The following CTSH variants were observed in gnomAD, a reference collection of about 807,000 sequenced individuals.
CTSH encodes cathepsin H.
Under a neutral mutation model 56.3 loss-of-function variants are expected in CTSH, and 52 were observed. The observed-to-expected ratio is 0.92, with a 90% CI of 0.74 to 1.16. The LOEUF (loss-of-function observed/expected upper bound fraction) is 1.16, where lower values mean the gene tolerates loss of function less well. CTSH is among the 50% of genes most tolerant of loss of function. CTSH has a pLI of 0.00. For missense variants in CTSH, 406 were observed against 424.5 expected (o/e 0.96, Z 0.38); for synonymous variants, 174 against 155.7 (o/e 1.12, Z -0.88).
chr15:78,932,085 T>G, intron 6 of CTSH: 1 of 1,263,320 alleles, frequency 7.9e-7, no homozygotes. Flanking sequence ...CCAGGCAGGC[T>G]CCGCCTTTCT....
rs553673539 is a variant in CTSH at position 78,943,250 on chromosome 15, CCTGT to C, written c.91+1637_91+1640del. Among the ~76,000 whole-genome samples the C allele has an allele frequency of 3.6e-3, 531 of 149,010 alleles. 1 individual carries two copies. The highest frequency in any genetic ancestry group is 5.6e-3 in the Non-Finnish European group (375 of 67,204). On this transcript the variant is annotated intron_variant, in intron 1 of 11. Transcript: ENST00000220166. ...AGGTTTCAGGAAAGTACAGTATTCCCCTGTTTGTTTGTTTGTTTGTTTTAGATGG... is the reference window on the plus strand; with the variant it reads ...AGGTTTCAGGAAAGTACAGTATTCCCTTGTTTGTTTGTTTGTTTTAGATGG...
intron 7 of CTSH, 42 bp from the exon 8 acceptor site, chr15:78,929,535 TG>T: frequency 6.8e-7 from 1 of 1,462,864 alleles, no homozygotes; most frequent in Non-Finnish European, 9.4e-7. Context: ...GGGGCTGTCC[TG>T]ATAGAGGCGG....
rs562562676 is a variant in CTSH at position 78,931,447 on chromosome 15, G to A, written c.548+4C>T. Reference sequence around the variant, plus strand: ...TTTTGGGCCCCTTCTGGTCAGAGACGTACCCTTGGCAGCCGTGATTATTGA... The same window carrying A: ...TTTTGGGCCCCTTCTGGTCAGAGACATACCCTTGGCAGCCGTGATTATTGA... On this transcript the variant is annotated splice_donor_region_variant and intron_variant, in intron 7 of 11. Transcript: ENST00000220166. 4.3e-5 allele frequency: 70 copies of A among 1,614,054 alleles called. No homozygotes were observed. The highest frequency in any genetic ancestry group is 1.6e-4 in the Middle Eastern group (1 of 6,084).
chr15:78,928,587 A>G (rs1306930788), intron 8 of CTSH, among the ~76,000 whole-genome samples: 2 of 112,816 alleles, frequency 1.8e-5, no homozygotes, highest in South Asian at 2.5e-4. Context: ...AAAAAAAAAA[A>G]AAGAAGGGAG....
intron 10 of CTSH, among the ~76,000 whole-genome samples, chr15:78,924,158 G>A (rs1375834884): frequency 2.1e-5 from 3 of 141,448 alleles, no homozygotes; most frequent in Admixed American, 1.4e-4. Flanking sequence ...GGCGGGGAAC[G>A]CCCATGGAAC....
chr15:78,925,257 G>C, intron 10 of CTSH, 77 bp downstream of exon 10: 1 of 918,180 alleles, frequency 1.1e-6, no homozygotes, highest in Non-Finnish European at 1.8e-6. Flanking sequence ...ACGAGCCCAA[G>C]TCCCACGAGT....
chr15:78,923,508 C>T lies in CTSH; in HGVS notation c.807-390G>A, dbSNP rs1035600399. ...TTCATCATGTTGGCTAGGTTGGTCT[C>T]GAGCTCCTGACCTCAGGTGATCCAC... On this transcript the variant is annotated intron_variant, in intron 10 of 11. Transcript: ENST00000220166. 4.6e-5 allele frequency among the ~76,000 whole-genome samples: 7 copies of T among 152,176 alleles called. No homozygotes were observed. In the South Asian group the frequency reaches 6.2e-4, roughly 14 times the overall value.
At chr15:78,922,864 G>A in intron 11 of CTSH, 129 bp downstream of exon 11, 1 of 1,125,200 alleles carries the variant, frequency 8.9e-7, no homozygotes, top group South Asian at 1.7e-5. Flanking sequence ...TTTCCCCCTG[G>A]CCTGGCCTAG....
chr15:78,942,006 A>G (rs1260867299), intron 1 of CTSH, among the ~76,000 whole-genome samples: 3 of 152,130 alleles, frequency 2.0e-5, no homozygotes, highest in Admixed American at 2.0e-4. Context: ...ATGAGTGAAT[A>G]TTGTTTGGTT....
At position 78,937,759 on chromosome 15, in the gene CTSH, C is replaced by A. The variant is rs1250193038; in HGVS notation, c.124-336G>T. On this transcript the variant is annotated intron_variant, in intron 2 of 11. Transcript: ENST00000220166. ...GTTTACAGCAAAGATCACCATTTTT[C>A]AAAAGCACATGCACTGGTGTTCCCC... 5 of 1,319,096 alleles carry A rather than the reference C, an allele frequency of 3.8e-6. No individual in the cohort carries two copies. In the East Asian group the frequency reaches 2.0e-4, roughly 53 times the overall value. 81.7% of individuals were successfully genotyped at this position (1,319,096 alleles called of 1,614,324 possible).
At chr15:78,937,841 T>C in intron 2 of CTSH, 1 of 1,279,518 alleles carries the variant, frequency 7.8e-7, no homozygotes, top group Non-Finnish European at 1.0e-6. Context: ...CAAATGTGTA[T>C]AATTTTTTAT....
At position 78,930,926 on chromosome 15, in the gene CTSH, G is replaced by A. The variant is rs549199164; in HGVS notation, c.548+525C>T. Among the ~76,000 whole-genome samples the A allele has an allele frequency of 5.3e-5, 8 of 152,344 alleles. No homozygotes were observed. The East Asian group carries it at 1.5e-3, about 29-fold the overall frequency. ...AGCACTGCATGAAGGGAGGGCTAGA[G>A]TCACTGTAGAAATGTCAGCAAATTC... On this transcript the variant is annotated intron_variant, in intron 7 of 11. Transcript: ENST00000220166.
In CTSH at chr15:78,943,792, A is replaced by G. The variant is rs1270618358; in HGVS notation, c.91+1099T>C. On this transcript the variant is annotated intron_variant, in intron 1 of 11. Transcript: ENST00000220166. ...TATTTACCGTCTGGTCTTTCACAGA[A>G]AAAGTTTGCCAAGCCCTGCTCTGGA... 2.6e-5 allele frequency among the ~76,000 whole-genome samples: 4 copies of G among 152,240 alleles called. 1 individual carries two copies. The highest frequency in any genetic ancestry group is 4.1e-4 in the South Asian group (2 of 4,834).
At chr15:78,935,614 G>C in intron 4 of CTSH, 66 bp downstream of exon 4, 1 of 1,380,550 alleles carries the variant, frequency 7.2e-7, no homozygotes, top group Non-Finnish European at 1.0e-6. Context: ...AGCAGAGCAG[G>C]CTCCAAATTT....
intron 9 of CTSH, chr15:78,927,511 G>T: frequency 1.8e-6 from 1 of 564,220 alleles, no homozygotes; most frequent in Non-Finnish European, 3.2e-6. Flanking sequence ...GAACCAGAGG[G>T]CCTGCCTGCC....
At chr15:78,925,946 C>G (rs919499689) in intron 9 of CTSH, 2 of 159,232 alleles carry the variant, frequency 1.3e-5, no homozygotes, top group African/African-American at 4.8e-5. Context: ...TTCCTGGAGG[C>G]TGCAGCTTTG....
In CTSH at chr15:78,928,509, G is replaced by A. The variant is rs768069391; in HGVS notation, c.631-728C>T. On this transcript the variant is annotated intron_variant, in intron 8 of 11. Coordinates refer to ENST00000220166, the MANE Select transcript of CTSH (RefSeq NM_004390.5). Reference sequence around the variant, plus strand: ...GAACTCGGGAGGCGGAGGTTGCAGTGAGCCGAGATTGCGCCATTGCACTCC... The same window carrying A: ...GAACTCGGGAGGCGGAGGTTGCAGTAAGCCGAGATTGCGCCATTGCACTCC... Among the ~76,000 whole-genome samples the A allele has an allele frequency of 1.8e-4, 26 of 143,954 alleles. 1 individual carries two copies. Among genetic ancestry groups the A allele is most frequent in the South Asian group, 4.4e-4 (2 of 4,514 alleles). 94.4% of individuals were successfully genotyped at this position (143,954 alleles called of 152,430 possible).
At position 78,922,103 on chromosome 15, in the gene CTSH, G is replaced by A. The variant is rs767856662; in HGVS notation, c.*27C>T. On this transcript the variant is annotated 3_prime_UTR_variant, in exon 12 of 12. Transcript: ENST00000220166. ...AGGCTGCCCGTTCCTCTCCTTCTCC[G>A]CCAGTCTGCGCTGCGGCTGCCACGG... The A allele has an allele frequency of 5.2e-6, 8 of 1,549,124 alleles. No homozygotes were observed. In the African/African-American group the frequency reaches 8.2e-5, roughly 16 times the overall value.
At chr15:78,928,486 A>T (rs1160625412) in intron 8 of CTSH, among the ~76,000 whole-genome samples, 6 of 144,082 alleles carry the variant, frequency 4.2e-5, no homozygotes, top group African/African-American at 1.3e-4. Flanking sequence ...AACTGCTTGA[A>T]CTCGGGAGGC....
Sources: gnomAD v4.1 joint callset for allele counts (sites outside exome capture counted in the v4.1 genomes callset) on GRCh38, gnomAD v4.1.1 for gene constraint, MANE v1.5 for transcripts, NCBI Gene and HGNC (gene_info 2026-07-23, HGNC 2026-07-21) for gene names.